ARFIP1: variants seen among roughly 807,000 people sequenced by gnomAD.
ARFIP1 encodes arfaptin-1.
A neutral mutation model predicts 42.5 loss-of-function variants in ARFIP1; 24 were observed. The observed-to-expected ratio is 0.57, with a 90% CI of 0.41 to 0.80. The LOEUF is 0.80. ARFIP1 is among the 30% of genes least tolerant of loss of function. ARFIP1 has a pLI of 0.00. For missense variants in ARFIP1, 354 were observed against 434.0 expected (o/e 0.82, Z 1.64); for synonymous variants, 141 against 153.7 (o/e 0.92, Z 0.61).
chr4:152,834,644 C>A (rs1403624088), intron 2 of ARFIP1, among the ~76,000 whole-genome samples: 1 of 152,238 alleles, frequency 6.6e-6, no homozygotes, highest in Non-Finnish European at 1.5e-5. Flanking sequence ...ATGGGCACCT[C>A]AGGCTTTGGG....
intron 5 of ARFIP1, among the ~76,000 whole-genome samples, chr4:152,876,115 A>G (rs909353795): frequency 6.6e-6 from 1 of 152,078 alleles, no homozygotes; most frequent in Non-Finnish European, 1.5e-5. Flanking sequence ...TAATACAGTA[A>G]ATTGGTACCA....
At chr4:152,805,603 C>T (rs1728938175) in intron 1 of ARFIP1, among the ~76,000 whole-genome samples, 1 of 152,186 alleles carries the variant, frequency 6.6e-6, no homozygotes, top group Non-Finnish European at 1.5e-5. Context: ...GATTCTAAGT[C>T]TGGGGCAAGT....
At chr4:152,832,720 C>T (rs942523963) in intron 2 of ARFIP1, among the ~76,000 whole-genome samples, 1 of 152,136 alleles carries the variant, frequency 6.6e-6, no homozygotes, top group Non-Finnish European at 1.5e-5. Flanking sequence ...ACACTATGGT[C>T]TGTGATTCAT....
At chr4:152,861,227 C>T (rs1223064817) in intron 2 of ARFIP1, among the ~76,000 whole-genome samples, 1 of 152,162 alleles carries the variant, frequency 6.6e-6, no homozygotes, top group Non-Finnish European at 1.5e-5. Context: ...CCAGAGAGTC[C>T]TCCAAAGATG....
intron 2 of ARFIP1, among the ~76,000 whole-genome samples, chr4:152,847,381 C>T (rs1430125380): frequency 6.6e-6 from 1 of 151,528 alleles, no homozygotes; most frequent in Non-Finnish European, 1.5e-5. Flanking sequence ...GATCCTCCTG[C>T]CCTGGTCCCC....
At chr4:152,861,703 C>G (rs190080869) in intron 2 of ARFIP1, among the ~76,000 whole-genome samples, 1 of 152,026 alleles carries the variant, frequency 6.6e-6, no homozygotes, top group African/African-American at 2.4e-5. Context: ...TTTAATAATC[C>G]CTTTGCATTT....
At chr4:152,802,434 A>G (rs1303797886) in intron 1 of ARFIP1, among the ~76,000 whole-genome samples, 2 of 152,246 alleles carry the variant, frequency 1.3e-5, no homozygotes, top group African/African-American at 2.4e-5. Context: ...TTGATAACAG[A>G]ACAAAATAGC....
At position 152,837,457 on chromosome 4, in the gene ARFIP1, A is replaced by T. The variant is rs190031910; in HGVS notation, c.93+7731A>T. 4.5e-3 allele frequency among the ~76,000 whole-genome samples: 692 copies of T among 152,240 alleles called. 3 individuals are homozygous for T. The highest frequency in any genetic ancestry group is 8.1e-3 in the Non-Finnish European group (548 of 68,006). On this transcript the variant is annotated intron_variant, in intron 2 of 8. Coordinates refer to ENST00000353617, the MANE Select transcript of ARFIP1 (RefSeq NM_001025595.3). ...ACATGTACTGGTTTTTGATTTTTCG[A>T]TCATGGCCATTCTTGCAGGAGTGAG...
At chr4:152,791,315 A>G (rs1331745402) in intron 1 of ARFIP1, among the ~76,000 whole-genome samples, 1 of 152,202 alleles carries the variant, frequency 6.6e-6, no homozygotes, top group Non-Finnish European at 1.5e-5. Flanking sequence ...GAGAACTGTC[A>G]TCAGAAAACA....
At chr4:152,887,590 A>G (rs1736369376) in intron 7 of ARFIP1, among the ~76,000 whole-genome samples, 1 of 152,122 alleles carries the variant, frequency 6.6e-6, no homozygotes, top group African/African-American at 2.4e-5. Flanking sequence ...TTTTAGATAT[A>G]TTGGGTAAAA....
intron 2 of ARFIP1, among the ~76,000 whole-genome samples, chr4:152,849,399 T>C (rs1449617978): frequency 6.6e-6 from 1 of 152,202 alleles, no homozygotes; most frequent in Non-Finnish European, 1.5e-5. Context: ...CTATTAGGAA[T>C]ATGTCGTTTT....
chr4:152,841,378 A>G (rs922371561), intron 2 of ARFIP1, among the ~76,000 whole-genome samples: 5 of 152,132 alleles, frequency 3.3e-5, no homozygotes, highest in African/African-American at 9.7e-5. Context: ...TTTGTATTCA[A>G]TGTTAGTATT....
intron 8 of ARFIP1, among the ~76,000 whole-genome samples, chr4:152,898,948 A>G (rs113974866): frequency 1.2e-3 from 185 of 152,310 alleles, no homozygotes; most frequent in African/African-American, 4.2e-3. Context: ...AGGCTTTTCC[A>G]TTGGATGGGC....
chr4:152,784,615 G>T (rs1394817630), intron 1 of ARFIP1, among the ~76,000 whole-genome samples: 3 of 152,198 alleles, frequency 2.0e-5, no homozygotes. Context: ...ATGACTGTCG[G>T]TTCAGATTGA....
At position 152,806,845 on chromosome 4, in the gene ARFIP1, C is replaced by CTTT. The variant is rs796638165; in HGVS notation, c.-9-22771_-9-22769dup. Among the ~76,000 whole-genome samples, 619 of 133,128 alleles carry CTTT rather than the reference C, an allele frequency of 4.6e-3. 4 individuals carry two copies. The highest frequency in any genetic ancestry group is 0.016 in the African/African-American group (577 of 36,506). The allele number at this position is 133,128 out of a possible 152,430, so 87.3% of individuals were successfully genotyped here. The stretch of plus-strand genomic sequence containing the variant: ...CGTAAGTTTTTTTTTCTTTTTCTTT[C>CTTT]TTTTTTTTTTTAGAGACAGGTCTCA... On this transcript the variant is annotated intron_variant, in intron 1 of 8. Transcript: ENST00000353617.
In ARFIP1 at chr4:152,819,713, T is replaced by G. The variant is rs530597885; in HGVS notation, c.-9-9912T>G. Among the ~76,000 whole-genome samples the G allele has an allele frequency of 2.7e-4, 41 of 152,310 alleles. 1 individual carries two copies. Among genetic ancestry groups the G allele is most frequent in the African/African-American group, 8.7e-4 (36 of 41,560 alleles). On this transcript the variant is annotated intron_variant, in intron 1 of 8. Transcript: ENST00000353617. The stretch of plus-strand genomic sequence containing the variant: ...ATGAATTTTCTACTTGGGGGAAGTT[T>G]CTTTCAGCAGAGGCACAAGTGCAGT...
intron 8 of ARFIP1, among the ~76,000 whole-genome samples, chr4:152,896,749 T>C (rs1460615851): frequency 6.9e-6 from 1 of 144,020 alleles, no homozygotes; most frequent in East Asian, 2.0e-4. Context: ...TTAAGTTAGC[T>C]AAAAAAAAAA....
At chr4:152,882,118 G>A (rs1039123418) in intron 6 of ARFIP1, among the ~76,000 whole-genome samples, 2 of 152,138 alleles carry the variant, frequency 1.3e-5, no homozygotes, top group African/African-American at 4.8e-5. Flanking sequence ...GGAGTCATGT[G>A]TAATGTTTAC....
intron 1 of ARFIP1, among the ~76,000 whole-genome samples, chr4:152,794,113 A>G (rs1448821176): frequency 6.6e-6 from 1 of 152,152 alleles, no homozygotes; most frequent in Non-Finnish European, 1.5e-5. Flanking sequence ...CTAACATCTT[A>G]CATAACCATA....
Sources: gnomAD v4.1 joint callset for allele counts (sites outside exome capture counted in the v4.1 genomes callset) on GRCh38, gnomAD v4.1.1 for gene constraint, MANE v1.5 for transcripts, NCBI Gene and HGNC (gene_info 2026-07-23, HGNC 2026-07-21) for gene names.